The following SOX5 variants were observed in gnomAD, a reference collection of about 807,000 sequenced individuals.
SOX5 encodes SRY-box transcription factor 5.
SOX5 carries 9 observed loss-of-function variants against 92.0 expected under a neutral mutation model. That is an observed-to-expected ratio of 0.10 (90% CI 0.06 to 0.17). The LOEUF (loss-of-function observed/expected upper bound fraction) is 0.17, where lower values mean the gene tolerates loss of function less well. SOX5 is among the 10% of genes least tolerant of loss of function. The pLI is 1.00. For missense variants in SOX5, 642 were observed against 944.5 expected (o/e 0.68, Z 4.20); for synonymous variants, 344 against 336.3 (o/e 1.02, Z -0.25).
At chr12:24,392,384 G>GC (rs1959083217) in intron 1 of SOX5, among the ~76,000 whole-genome samples, 2 of 152,036 alleles carry the variant, frequency 1.3e-5, no homozygotes, top group South Asian at 4.2e-4. Context: ...CCACCCTAAC[G>GC]CCCCCACCAG....
intron 1 of SOX5, among the ~76,000 whole-genome samples, chr12:24,528,751 C>A (rs1950930459): frequency 6.6e-6 from 1 of 152,186 alleles, no homozygotes; most frequent in South Asian, 2.1e-4. Context: ...CTCAGTGGAT[C>A]TAGAGGAAGC....
At chr12:23,605,204 A>G (rs1303164433) in intron 8 of SOX5, among the ~76,000 whole-genome samples, 1 of 152,126 alleles carries the variant, frequency 6.6e-6, no homozygotes, top group Non-Finnish European at 1.5e-5. Context: ...ATATTCTTCC[A>G]CTAAGCCATT....
chr12:23,585,536 T>G (rs1191208796), intron 9 of SOX5, among the ~76,000 whole-genome samples: 1 of 152,092 alleles, frequency 6.6e-6, no homozygotes, highest in East Asian at 1.9e-4. Flanking sequence ...AAAAATAAAA[T>G]TTAAATGCAA....
At chr12:23,971,303 T>C (rs970626198) in intron 4 of SOX5, among the ~76,000 whole-genome samples, 1 of 151,418 alleles carries the variant, frequency 6.6e-6, no homozygotes, top group Admixed American at 6.6e-5. Context: ...TTTGTATTTT[T>C]AGTAGAGACG....
chr12:23,798,035 T>A (rs77716845), intron 3 of SOX5, among the ~76,000 whole-genome samples: 1 of 152,058 alleles, frequency 6.6e-6, no homozygotes, highest in Non-Finnish European at 1.5e-5. Context: ...TGTTCAAATG[T>A]CATTTTCTCA....
At chr12:23,827,426 C>A (rs1307382723) in intron 3 of SOX5, among the ~76,000 whole-genome samples, 1 of 152,128 alleles carries the variant, frequency 6.6e-6, no homozygotes. Context: ...AAGTTCCTTA[C>A]CCCTTTGCAG....
intron 2 of SOX5, among the ~76,000 whole-genome samples, chr12:23,849,958 T>C (rs2096613405): frequency 1.3e-5 from 2 of 152,160 alleles, no homozygotes. Context: ...AGAAAAAAGC[T>C]AGTACAGAAG....
At chr12:24,247,977 T>C (rs899632145) in intron 3 of SOX5, among the ~76,000 whole-genome samples, 7 of 152,122 alleles carry the variant, frequency 4.6e-5, no homozygotes, top group African/African-American at 1.4e-4. Context: ...TGATGGCTAC[T>C]TTTTAAAAAC....
intron 3 of SOX5, among the ~76,000 whole-genome samples, chr12:24,272,708 C>A (rs1353293652): frequency 6.6e-6 from 1 of 152,028 alleles, no homozygotes; most frequent in Non-Finnish European, 1.5e-5. Flanking sequence ...CCAACTTGGT[C>A]ATAATTTTAT....
At chr12:23,584,220 G>T (rs1012078902) in intron 9 of SOX5, among the ~76,000 whole-genome samples, 3 of 151,802 alleles carry the variant, frequency 2.0e-5, no homozygotes, top group Admixed American at 2.0e-4. Context: ...CCACATGAAG[G>T]CACGGATAGC....
intron 4 of SOX5, among the ~76,000 whole-genome samples, chr12:24,118,376 AATT>A (rs1337701571): frequency 1.5e-4 from 23 of 152,188 alleles, no homozygotes; most frequent in African/African-American, 5.3e-4. Flanking sequence ...AAGTATACAC[AATT>A]ATTATCTGTC....
intron 1 of SOX5, among the ~76,000 whole-genome samples, chr12:24,505,102 C>A (rs1365926776): frequency 6.6e-6 from 1 of 152,220 alleles, no homozygotes; most frequent in Non-Finnish European, 1.5e-5. Context: ...ATGTTATAAA[C>A]CTATGCCTAC....
chr12:23,912,700 C>A (rs537912604), intron 1 of SOX5, among the ~76,000 whole-genome samples: 7 of 152,242 alleles, frequency 4.6e-5, no homozygotes, highest in African/African-American at 1.7e-4. Flanking sequence ...ACTGATGAAC[C>A]TTGAAAACAT....
intron 3 of SOX5, among the ~76,000 whole-genome samples, chr12:24,251,572 GTT>G (rs68085452): frequency 7.1e-6 from 1 of 141,486 alleles, no homozygotes; most frequent in Non-Finnish European, 1.5e-5. Context: ...AGGGTTTTTT[GTT>G]TTTTTTTTTT....
At chr12:23,989,345 T>C (rs770397218) in intron 4 of SOX5, among the ~76,000 whole-genome samples, 2 of 151,986 alleles carry the variant, frequency 1.3e-5, no homozygotes, top group Non-Finnish European at 2.9e-5. Context: ...TGAGCTGAGA[T>C]TGTGCCACTG....
intron 7 of SOX5, among the ~76,000 whole-genome samples, chr12:23,643,661 G>A (rs1326952520): frequency 6.6e-6 from 1 of 152,164 alleles, no homozygotes; most frequent in East Asian, 1.9e-4. Flanking sequence ...TGTAAATTTG[G>A]TGTTCCAGAA....
At chr12:23,627,029 G>A (rs1450303258) in intron 8 of SOX5, among the ~76,000 whole-genome samples, 1 of 152,102 alleles carries the variant, frequency 6.6e-6, no homozygotes, top group Non-Finnish European at 1.5e-5. Context: ...ATCATAGGTA[G>A]GCCAGCTATT....
intron 3 of SOX5, among the ~76,000 whole-genome samples, chr12:23,756,316 T>C (rs2094375975): frequency 6.6e-6 from 1 of 151,888 alleles, no homozygotes; most frequent in Non-Finnish European, 1.5e-5. Context: ...ATGCTGCCTA[T>C]AATGGAAACC....
chr12:24,210,772 A>C (rs1270602719), intron 4 of SOX5, among the ~76,000 whole-genome samples: 1 of 152,260 alleles, frequency 6.6e-6, no homozygotes, highest in African/African-American at 2.4e-5. Context: ...ATTATCTAAC[A>C]TTAGCCCCTT....
Sources: allele counts gnomAD v4.1 joint callset (sites outside exome capture counted in the v4.1 genomes callset), GRCh38; gene constraint gnomAD v4.1.1; transcripts MANE v1.5; gene names NCBI Gene and HGNC (gene_info 2026-07-23, HGNC 2026-07-21).